Variants in KIF17 observed in about 807,000 individuals in gnomAD.
The protein encoded by KIF17 is kinesin-like protein KIF17.
KIF17 carries 80 observed loss-of-function variants against 96.8 expected under a neutral mutation model. The observed-to-expected ratio is 0.83, with a 90% CI of 0.69 to 1.00. The LOEUF is 1.00. Among genes scored for constraint, KIF17 ranks in the 50% least tolerant of loss-of-function variants. KIF17 has a pLI of 0.00. For missense variants in KIF17, 1,280 were observed against 1,372.9 expected (o/e 0.93, Z 1.07); for synonymous variants, 567 against 587.5 (o/e 0.97, Z 0.51).
chr1:20,667,316 T>C (rs2053546757), intron 13 of KIF17, among the ~76,000 whole-genome samples: 1 of 152,162 alleles, frequency 6.6e-6, no homozygotes, highest in Non-Finnish European at 1.5e-5. Flanking sequence ...GTGGTTCTTA[T>C]GAGAATCTAA....
chr1:20,686,252 T>G, intron 8 of KIF17, 126 bp from the exon 9 acceptor site: 1 of 753,198 alleles, frequency 1.3e-6, no homozygotes, highest in Non-Finnish European at 2.4e-6. Flanking sequence ...CTCCCCTGCC[T>G]GTCACTCCCG....
chr1:20,678,418 AAAAAT>A (rs1158441568), intron 11 of KIF17, among the ~76,000 whole-genome samples: 9 of 152,154 alleles, frequency 5.9e-5, no homozygotes, highest in Admixed American at 3.3e-4. Flanking sequence ...AAAAAAATTT[AAAAAT>A]AAAATAAAAT....
At chr1:20,696,748 G>A (rs999193234) in intron 6 of KIF17, among the ~76,000 whole-genome samples, 13 of 152,016 alleles carry the variant, frequency 8.6e-5, no homozygotes, top group Admixed American at 1.3e-4. Flanking sequence ...CTCCGTGTGT[G>A]ACTCCCAGCC....
intron 14 of KIF17, 102 bp from the exon 15 acceptor site, chr1:20,664,864 G>A (rs888272159): frequency 2.1e-5 from 22 of 1,063,636 alleles, no homozygotes; most frequent in African/African-American, 1.6e-4. Context: ...CCCCACTCCC[G>A]CCCCCCTGCC....
chr1:20,682,798 TA>T lies in KIF17; in HGVS notation c.2317del (p.Tyr773ThrfsTer95). ...CAGCTGCTTCCTGCGCTCGTCTGCGTAGCGCTTGCGCCGCTTGTGCTTCTCC... is the reference window on the plus strand; with the variant it reads ...CAGCTGCTTCCTGCGCTCGTCTGCGTGCGCTTGCGCCGCTTGTGCTTCTCC... ...LKEKHKRRKR[Y>X]ADERRKQLVA... is the part of the protein sequence containing the mutation. On this transcript the variant is annotated frameshift_variant, in exon 11 of 15. Coordinates refer to ENST00000400463, the MANE Select transcript of KIF17 (RefSeq NM_001122819.3). LOFTEE classifies it high-confidence loss of function. The T allele has an allele frequency of 6.2e-7, 1 of 1,612,834 alleles. No individual in the cohort carries two copies.
At chr1:20,705,440 T>C (rs1043611335) in intron 4 of KIF17, among the ~76,000 whole-genome samples, 1 of 151,890 alleles carries the variant, frequency 6.6e-6, no homozygotes, top group Non-Finnish European at 1.5e-5. Context: ...AGACTACCCA[T>C]GGTTCCCCAT....
chr1:20,691,439 AC>A (rs2054037582), intron 6 of KIF17, among the ~76,000 whole-genome samples: 2 of 148,070 alleles, frequency 1.4e-5, no homozygotes, highest in South Asian at 2.1e-4. Flanking sequence ...AAGCCACCAC[AC>A]CCAGCCTCTC....
chr1:20,688,769 AC>A (rs1308661068), intron 7 of KIF17, among the ~76,000 whole-genome samples: 1 of 152,226 alleles, frequency 6.6e-6, no homozygotes, highest in Non-Finnish European at 1.5e-5. Flanking sequence ...CAGAAGCCAG[AC>A]GAAGATCTGC....
chr1:20,704,916 C>G lies in KIF17; in HGVS notation c.671-17G>C. ...CCCGCTCATCTGCACACAGACCAGG[C>G]AAAGTGGCGAGGGCCTCGGGTGAGC... On this transcript the variant is annotated splice_polypyrimidine_tract_variant and intron_variant, in intron 4 of 14. Coordinates refer to ENST00000400463, the MANE Select transcript of KIF17 (RefSeq NM_001122819.3). The surrounding 1 kb of genome is among the most constrained non-coding windows in gnomAD (Gnocchi z 6.8). 1 of 1,598,034 alleles carries G rather than the reference C, an allele frequency of 6.3e-7. No individual in the cohort carries two copies. Among genetic ancestry groups the G allele is most frequent in the South Asian group, 1.1e-5 (1 of 91,046 alleles).
chr1:20,683,488 C>G (rs1030936216), intron 10 of KIF17, among the ~76,000 whole-genome samples: 5 of 152,064 alleles, frequency 3.3e-5, no homozygotes, highest in African/African-American at 9.7e-5. Flanking sequence ...AACCCCATCT[C>G]TACTAAAAAT....
chr1:20,667,507 T>C lies in KIF17; in HGVS notation c.2791-1176A>G, dbSNP rs116661110. On this transcript the variant is annotated intron_variant, in intron 13 of 14. Coordinates refer to ENST00000400463, the MANE Select transcript of KIF17 (RefSeq NM_001122819.3). ...CATTAAATGTAATGCACTTGAATCA[T>C]CCCGAAACTATCAGACCCCCCACCC... Among the ~76,000 whole-genome samples the C allele has an allele frequency of 1.6e-3, 247 of 152,308 alleles. 2 individuals are homozygous for C. Among genetic ancestry groups the C allele is most frequent in the African/African-American group, 5.7e-3 (237 of 41,570 alleles).
In KIF17 at chr1:20,687,007, C is replaced by A. The variant is rs1479533464; in HGVS notation, c.1938+381G>T. ...TCCCACAGACCCCCCACCCAGCTCA[C>A]TACAGAGCTCACGAGCCAGTGAGCG... On this transcript the variant is annotated intron_variant, in intron 8 of 14. Transcript: ENST00000400463. The surrounding 1 kb of genome is among the most constrained non-coding windows in gnomAD (Gnocchi z 4.4). 6.6e-6 allele frequency among the ~76,000 whole-genome samples: 1 copy of A among 152,166 alleles called. No homozygotes were observed. The highest frequency in any genetic ancestry group is 2.4e-5 in the African/African-American group (1 of 41,448).
Position 20,704,359 on chromosome 1 carries a change from G to T in KIF17, c.1123+88C>A. Reference sequence around the variant, plus strand: ...AGGATGCTGCTCCCACTGTCTTTTAGGTGGGAAGTTGGAGGCGAGAAGACA... The same window carrying T: ...AGGATGCTGCTCCCACTGTCTTTTATGTGGGAAGTTGGAGGCGAGAAGACA... On this transcript the variant is annotated intron_variant, in intron 5 of 14. Transcript: ENST00000400463. The surrounding 1 kb of genome is among the most constrained non-coding windows in gnomAD (Gnocchi z 6.8). The T allele has an allele frequency of 1.8e-6, 2 of 1,083,592 alleles. No individual in the cohort carries two copies. Among genetic ancestry groups the T allele is most frequent in the South Asian group, 1.3e-5 (1 of 74,862 alleles). The allele number at this position is 1,083,592 out of a possible 1,614,324, so 67.1% of individuals were successfully genotyped here.
At chr1:20,701,664 G>A (rs1256396480) in intron 5 of KIF17, among the ~76,000 whole-genome samples, 1 of 152,104 alleles carries the variant, frequency 6.6e-6, no homozygotes, top group East Asian at 1.9e-4. Context: ...CAGGAAGGGA[G>A]CCAGGGCAGA....
Position 20,715,654 on chromosome 1 carries a change from G to A in KIF17, c.232-15C>T. On this transcript the variant is annotated splice_polypyrimidine_tract_variant and intron_variant, in intron 1 of 14. Coordinates refer to ENST00000400463, the MANE Select transcript of KIF17 (RefSeq NM_001122819.3). ...TCAGTGACGCCCTGCATGGGAGGAAGGCAGGACCCCGTGCTCAGTGGAGCA... is the reference window on the plus strand; with the variant it reads ...TCAGTGACGCCCTGCATGGGAGGAAAGCAGGACCCCGTGCTCAGTGGAGCA... The A allele has an allele frequency of 1.2e-6, 2 of 1,613,716 alleles. No individual in the cohort carries two copies. The highest frequency in any genetic ancestry group is 1.7e-6 in the Non-Finnish European group (2 of 1,180,024).
chr1:20,664,593 C>T lies in KIF17; in HGVS notation c.3078G>A (p.Glu1026=). Residue 1026 remains glutamate (E), a synonymous_variant, in exon 15 of 15, where the codon GAG becomes GAA. Coordinates refer to ENST00000400463, the MANE Select transcript of KIF17 (RefSeq NM_001122819.3). The part of the protein sequence containing the change: ...RKKSKSNFGS[E]PL ...TGGCAAGCAGCTGTGCTCACAGAGG[C>T]TCACTGCCAAAGTTGCTTTTGCTTT... is the stretch of plus-strand genomic sequence containing the variant. 2 of 1,613,856 alleles carry T rather than the reference C, an allele frequency of 1.2e-6. No homozygotes were observed. Among genetic ancestry groups the T allele is most frequent in the Non-Finnish European group, 1.7e-6 (2 of 1,179,952 alleles).
At chr1:20,665,110 T>C (rs2053501609) in intron 14 of KIF17, among the ~76,000 whole-genome samples, 2 of 151,896 alleles carry the variant, frequency 1.3e-5, no homozygotes, top group African/African-American at 4.8e-5. Context: ...AGCCTCAGTT[T>C]CCTCATCTGC....
At chr1:20,695,056 A>C (rs2154536557) in intron 6 of KIF17, among the ~76,000 whole-genome samples, 1 of 152,306 alleles carries the variant, frequency 6.6e-6, no homozygotes, top group Admixed American at 6.5e-5. Context: ...GCACACATGC[A>C]TACACATGCA....
chr1:20,705,511 A>G (rs984910566), intron 4 of KIF17, among the ~76,000 whole-genome samples: 1 of 152,204 alleles, frequency 6.6e-6, no homozygotes, highest in Non-Finnish European at 1.5e-5. Context: ...TCCGCTTGCC[A>G]GCATAATCAG....
Sources: gnomAD v4.1 joint callset for allele counts (sites outside exome capture counted in the v4.1 genomes callset) on GRCh38, gnomAD v4.1.1 for gene constraint, Gnocchi (gnomAD v3.1) non-coding constraint, MANE v1.5 for transcripts, NCBI Gene and HGNC (gene_info 2026-07-23, HGNC 2026-07-21) for gene names.